Variants in ZNF773 observed in about 807,000 individuals in gnomAD.
ZNF773 encodes zinc finger protein 773.
A neutral mutation model predicts 12.8 loss-of-function variants in ZNF773; 11 were observed. The ratio of observed to expected loss-of-function variants is 0.86; its 90% confidence interval spans 0.54 to 1.42. The LOEUF (loss-of-function observed/expected upper bound fraction) is 1.42, where lower values mean the gene tolerates loss of function less well. Among genes scored for constraint, ZNF773 ranks in the 40% most tolerant of loss-of-function variants. The pLI is 0.00. For synonymous variants in ZNF773, 175 were observed against 178.4 expected (o/e 0.98, Z 0.15); for missense variants, 518 against 527.2 (o/e 0.98, Z 0.17).
downstream of ZNF773, among the ~76,000 whole-genome samples, chr19:57,510,318 T>C (rs2089784622): frequency 6.6e-6 from 1 of 152,174 alleles, no homozygotes; most frequent in South Asian, 2.1e-4. Context: ...TAAAAGCATT[T>C]TACAAAATTC....
chr19:57,510,457 G>A (rs1365770091), downstream of ZNF773, among the ~76,000 whole-genome samples: 4 of 152,126 alleles, frequency 2.6e-5, no homozygotes, highest in African/African-American at 9.7e-5. Flanking sequence ...TATTTGATAA[G>A]TTGATTTTCC....
chr19:57,517,726 T>G (rs1020293683), downstream of ZNF773: 1 of 152,208 alleles, frequency 6.6e-6, no homozygotes, highest in African/African-American at 2.4e-5. Flanking sequence ...AAAGTGAATA[T>G]CCAAGGAACT....
rs2089742313 is a variant in ZNF773, at chr19:57,506,802, T to C, written c.707T>C (p.Ile236Thr). ...KLFSHKSNLF[I>T]HQIVHTGERP... is the part of the protein sequence containing the mutation. ...TTTAGCCATAAGTCCAACCTTTTTA[T>C]ACACCAAATAGTTCACACTGGAGAA... The change falls in exon 4 of 4, where the codon ATA becomes ACA. Residue 236 changes from isoleucine (I) to threonine (T), a missense_variant. Ile to Thr is a moderately conservative substitution (Grantham distance 89). Transcript: ENST00000282292. 6.2e-7 allele frequency: 1 copy of C among 1,614,168 alleles called. No homozygotes were observed. Among genetic ancestry groups the C allele is most frequent in the Non-Finnish European group, 8.5e-7 (1 of 1,180,034 alleles).
chr19:57,511,294 G>A (rs189714911), downstream of ZNF773, among the ~76,000 whole-genome samples: 2,020 of 151,930 alleles, frequency 0.013, 28 homozygotes, highest in African/African-American at 0.031. Flanking sequence ...CTCGTGATCT[G>A]CCCGCCTCAG....
At chr19:57,518,340 C>G (rs538760588) in exon 5 of ZNF773, 1 of 152,316 alleles carries the variant, frequency 6.6e-6, no homozygotes, top group South Asian at 2.1e-4. Flanking sequence ...ACCTCTTCCT[C>G]CCTGTTGATT....
downstream of ZNF773, among the ~76,000 whole-genome samples, chr19:57,509,437 G>A (rs2089778852): frequency 6.6e-6 from 1 of 152,172 alleles, no homozygotes; most frequent in Non-Finnish European, 1.5e-5. Flanking sequence ...CCAGTTATTG[G>A]CTTATATAAT....
chr19:57,516,588 G>C (rs1016713565), downstream of ZNF773: 1 of 152,202 alleles, frequency 6.6e-6, no homozygotes, highest in African/African-American at 2.4e-5. Flanking sequence ...CAGTTGCCTT[G>C]CAATTCAGTC....
chr19:57,502,693 T>C (rs2089683722), intron 1 of ZNF773, among the ~76,000 whole-genome samples: 1 of 151,946 alleles, frequency 6.6e-6, no homozygotes, highest in African/African-American at 2.4e-5. Flanking sequence ...TTTGTTTTGT[T>C]TTGTTTTTGT....
At chr19:57,508,364 T>A (rs1348257837), downstream of ZNF773, 1 of 422,270 alleles carries the variant, frequency 2.4e-6, no homozygotes, top group East Asian at 1.6e-4. Context: ...TCTCACTGAG[T>A]TTGGAGTTGG....
chr19:57,504,964 G>A, intron 2 of ZNF773, 178 bp downstream of exon 2: 1 of 1,139,712 alleles, frequency 8.8e-7, no homozygotes, highest in Non-Finnish European at 1.3e-6. Context: ...CTCTCCCTGA[G>A]CTGCCCCACA....
At chr19:57,512,876 T>G, downstream of ZNF773, 1 of 820,962 alleles carries the variant, frequency 1.2e-6, no homozygotes, top group Non-Finnish European at 1.7e-6. Context: ...AACTGTTACG[T>G]CTTCCTCTCT....
At chr19:57,503,497 GATGAC>G (rs1265761516) in intron 1 of ZNF773, among the ~76,000 whole-genome samples, 1 of 152,078 alleles carries the variant, frequency 6.6e-6, no homozygotes, top group Non-Finnish European at 1.5e-5. Context: ...AATGAGGTAA[GATGAC>G]AGGAAGGCAG....
rs1267317385 is a variant in ZNF773 at position 57,506,663 on chromosome 19, C to T, written c.568C>T (p.His190Tyr). The change falls in exon 4 of 4, where the codon CAT (histidine) becomes TAT (tyrosine). Residue 190 changes from histidine to tyrosine, a missense_variant. Coordinates refer to ENST00000282292, the MANE Select transcript of ZNF773 (RefSeq NM_198542.3). ...GGAGGCCTTTCATGCTGGAAAAAGGCATTACAAATGCAGTGAATGTGGGAA... is the reference window on the plus strand; with the variant it reads ...GGAGGCCTTTCATGCTGGAAAAAGGTATTACAAATGCAGTGAATGTGGGAA... Reference protein sequence around the residue: ...SREAFHAGKRHYKCSECGKAF... With the variant: ...SREAFHAGKRYYKCSECGKAF... 4.3e-6 allele frequency: 7 copies of T among 1,614,106 alleles called. No homozygotes were observed. The highest frequency in any genetic ancestry group is 5.9e-6 in the Non-Finnish European group (7 of 1,180,052).
chr19:57,507,776 C>A lies in ZNF773; in HGVS notation c.*352C>A. On this transcript the variant is annotated 3_prime_UTR_variant, in exon 4 of 4. Coordinates refer to ENST00000282292, the MANE Select transcript of ZNF773 (RefSeq NM_198542.3). ...GATCACAAGGTCAGGACATCGAAAC[C>A]ATCCTGGTTAACACAATGAAACCAC... The A allele has an allele frequency of 1.1e-6, 1 of 930,384 alleles. No homozygotes were observed. Among genetic ancestry groups the A allele is most frequent in the Non-Finnish European group, 1.3e-6 (1 of 757,220 alleles). The allele number at this position is 930,384 out of a possible 1,614,324, so 57.6% of individuals were successfully genotyped here. A position where few individuals can be genotyped will look rare whatever the true frequency, so the allele number is the denominator to read the frequency against.
At chr19:57,504,241 G>A (rs2089701277) in intron 1 of ZNF773, among the ~76,000 whole-genome samples, 2 of 152,104 alleles carry the variant, frequency 1.3e-5, no homozygotes, top group African/African-American at 2.4e-5. Flanking sequence ...GTGACGCTAG[G>A]GGAGGCACAT....
At chr19:57,505,994 G>C (rs2005684) in intron 3 of ZNF773, among the ~76,000 whole-genome samples, 135,868 of 152,242 alleles carry the variant, frequency 0.89, 60,632 homozygotes, top group South Asian at 0.93. Context: ...CAGGCATGAG[G>C]CACCGCGCCC....
In ZNF773 at chr19:57,500,091, C is replaced by T; in HGVS notation, c.11C>T (p.Ala4Val). Reference sequence around the variant, plus strand: ...CCGCCACAGGCTCCGATGGCGGCGGCCACGCTGAGGGACCCCGCTCAGGTG... The same window carrying T: ...CCGCCACAGGCTCCGATGGCGGCGGTCACGCTGAGGGACCCCGCTCAGGTG... Reference protein sequence around the residue: MAAATLRDPAQQGY... With the variant: MAAVTLRDPAQQGY... Residue 4 changes from alanine (A) to valine (V), a missense_variant, in exon 1 of 4, where the codon GCC becomes GTC. Coordinates refer to ENST00000282292, the MANE Select transcript of ZNF773 (RefSeq NM_198542.3). The T allele has an allele frequency of 6.2e-7, 1 of 1,604,832 alleles. No homozygotes were observed. Among genetic ancestry groups the T allele is most frequent in the Non-Finnish European group, 8.5e-7 (1 of 1,177,268 alleles).
Position 57,507,971 on chromosome 19 carries a change from TAAA to T in ZNF773, c.*565_*567del, listed in dbSNP as rs1316682346. 72 of 111,714 alleles carry T rather than the reference TAAA, an allele frequency of 6.4e-4. No individual in the cohort carries two copies. The highest frequency in any genetic ancestry group is 1.0e-3 in the Non-Finnish European group (60 of 58,050). The allele number at this position is 111,714 out of a possible 1,614,324, so 6.9% of individuals were successfully genotyped here. A position where few individuals can be genotyped will look rare whatever the true frequency, so the allele number is the denominator to read the frequency against. ...CTGGGTGACAGAGTGAGACTCTGTCTAAAAAAAAAAAAAAAAAAAATTAGCCCG... is the reference window on the plus strand; with the variant it reads ...CTGGGTGACAGAGTGAGACTCTGTCTAAAAAAAAAAAAAAAAATTAGCCCG... On this transcript the variant is annotated 3_prime_UTR_variant, in exon 4 of 4. Coordinates refer to ENST00000282292, the MANE Select transcript of ZNF773 (RefSeq NM_198542.3).
chr19:57,507,804 C>A lies in ZNF773; in HGVS notation c.*380C>A. 1 of 718,788 alleles carries A rather than the reference C, an allele frequency of 1.4e-6. No homozygotes were observed. The highest frequency in any genetic ancestry group is 1.7e-6 in the Non-Finnish European group (1 of 575,586). The allele number at this position is 718,788 out of a possible 1,614,324, so 44.5% of individuals were successfully genotyped here. On this transcript the variant is annotated 3_prime_UTR_variant, in exon 4 of 4. Transcript: ENST00000282292. ...CCTGGTTAACACAATGAAACCACAT[C>A]TCTACTAAAAATACAAAAATTTACT...
Sources: gnomAD v4.1 joint callset for allele counts (sites outside exome capture counted in the v4.1 genomes callset) on GRCh38, gnomAD v4.1.1 for gene constraint, MANE v1.5 for transcripts, NCBI Gene and HGNC (gene_info 2026-07-23, HGNC 2026-07-21) for gene names.